The following MTAP variants were observed in gnomAD, a reference collection of about 807,000 sequenced individuals.
MTAP encodes the protein S-methyl-5'-thioadenosine phosphorylase.
Under a neutral mutation model 33.6 loss-of-function variants are expected in MTAP, and 33 were observed. The ratio of observed to expected loss-of-function variants is 0.98; its 90% CI spans 0.74 to 1.31. MTAP has a LOEUF of 1.31. Ranked by LOEUF, MTAP falls within the 40% of genes most tolerant of loss-of-function variation. MTAP has a pLI of 0.00. For synonymous variants in MTAP, 148 were observed against 125.7 expected (o/e 1.18, Z -1.19); for missense variants, 367 against 360.0 (o/e 1.02, Z -0.16).
intron 1 of MTAP, among the ~76,000 whole-genome samples, chr9:21,888,193 A>T (rs550612524): frequency 2.3e-4 from 35 of 152,300 alleles, no homozygotes; most frequent in Non-Finnish European, 4.3e-4. Context: ...AGTACTTGAT[A>T]TAATTTTGAT....
intron 1 of MTAP, among the ~76,000 whole-genome samples, chr9:21,804,837 T>C (rs996289353): frequency 6.6e-6 from 1 of 152,208 alleles, no homozygotes; most frequent in African/African-American, 2.4e-5. Flanking sequence ...TGGACCTAGA[T>C]AATGACAGAA....
At chr9:21,876,380 A>G (rs1826008631) in intron 1 of MTAP, among the ~76,000 whole-genome samples, 2 of 151,840 alleles carry the variant, frequency 1.3e-5, no homozygotes, top group African/African-American at 4.8e-5. Context: ...TAATTAGATC[A>G]CCCTTGTCAA....
intron 1 of MTAP, among the ~76,000 whole-genome samples, chr9:21,903,346 C>G (rs1199412343): frequency 6.6e-6 from 1 of 152,124 alleles, no homozygotes; most frequent in African/African-American, 2.4e-5. Flanking sequence ...AGGCCCAACT[C>G]AGAAACATCC....
At chr9:21,843,684 T>C (rs956033734) in intron 5 of MTAP, among the ~76,000 whole-genome samples, 2 of 152,204 alleles carry the variant, frequency 1.3e-5, no homozygotes, top group Admixed American at 1.3e-4. Flanking sequence ...GAAATTAAAA[T>C]ATTCTTTGAG....
intron 1 of MTAP, among the ~76,000 whole-genome samples, chr9:21,813,423 T>C (rs1824400838): frequency 6.6e-6 from 1 of 152,032 alleles, no homozygotes; most frequent in African/African-American, 2.4e-5. Context: ...TGGTGCAGAG[T>C]CATTATGCAG....
chr9:21,935,671 G>A (rs903342009), downstream of MTAP: 2 of 151,338 alleles, frequency 1.3e-5, no homozygotes, highest in African/African-American at 4.9e-5. Flanking sequence ...TTTTGGTTGA[G>A]TTTTTTTTTC....
At chr9:21,920,428 G>A (rs1352794542) in intron 1 of MTAP, among the ~76,000 whole-genome samples, 3 of 152,150 alleles carry the variant, frequency 2.0e-5, no homozygotes, top group Non-Finnish European at 4.4e-5. Context: ...TGCAGGCACA[G>A]TTGTGAGCAT....
Position 21,864,292 on chromosome 9 carries a change from T to C in MTAP, c.*2278T>C. On this transcript the variant is annotated 3_prime_UTR_variant, in exon 8 of 8. Coordinates refer to ENST00000644715, the MANE Select transcript of MTAP (RefSeq NM_002451.4). ...ATATAATTTTCCTCATACCTTATGC[T>C]TGAGGATATTGTTGAAGAACACTTC... 1 of 985,376 alleles carries C rather than the reference T, an allele frequency of 1.0e-6. No homozygotes were observed. The highest frequency in any genetic ancestry group is 1.2e-6 in the Non-Finnish European group (1 of 829,862). The allele number at this position is 985,376 out of a possible 1,614,324, so 61.0% of individuals were successfully genotyped here.
At position 21,862,199 on chromosome 9, in the gene MTAP, C is replaced by G. The variant is rs1403702900; in HGVS notation, c.*185C>G. The G allele has an allele frequency of 6.8e-6, 9 of 1,320,974 alleles. No individual in the cohort carries two copies. In the East Asian group the frequency reaches 2.0e-4, roughly 30 times the overall value. 81.8% of individuals were successfully genotyped at this position (1,320,974 alleles called of 1,614,324 possible). On this transcript the variant is annotated 3_prime_UTR_variant, in exon 8 of 8. Coordinates refer to ENST00000644715, the MANE Select transcript of MTAP (RefSeq NM_002451.4). ...GACTCCTGAATGATTTAGACAACTT[C>G]AAAATACAGAAGAAAAGCAAATGAC...
At chr9:21,823,106 T>C (rs1032255218) in intron 4 of MTAP, among the ~76,000 whole-genome samples, 14 of 152,230 alleles carry the variant, frequency 9.2e-5, no homozygotes, top group African/African-American at 3.1e-4. Context: ...TGTCTTTTAA[T>C]TGGAGCATTT....
Position 21,864,374 on chromosome 9 carries a change from G to A in MTAP, c.*2360G>A. The stretch of plus-strand genomic sequence containing the variant: ...AATTTTTTTTTTTTAATTTAAGCTA[G>A]TATACTAAGTGAACACCATGGTCAG... On this transcript the variant is annotated 3_prime_UTR_variant, in exon 8 of 8. Coordinates refer to ENST00000644715, the MANE Select transcript of MTAP (RefSeq NM_002451.4). The A allele has an allele frequency of 2.0e-6, 2 of 984,704 alleles. No individual in the cohort carries two copies. The allele number at this position is 984,704 out of a possible 1,614,324, so 61.0% of individuals were successfully genotyped here.
intron 7 of MTAP, chr9:21,860,572 A>G (rs1366556970): frequency 6.6e-6 from 1 of 152,212 alleles, no homozygotes; most frequent in Non-Finnish European, 1.5e-5. Context: ...TTTTATCATA[A>G]TATATAGAGA....
At chr9:21,873,917 G>A (rs115832486) in intron 1 of MTAP, among the ~76,000 whole-genome samples, 2,547 of 151,842 alleles carry the variant, frequency 0.017, 69 homozygotes, top group African/African-American at 0.056. Context: ...CACTTTTTTC[G>A]GAATAAAAAA....
Position 21,923,987 on chromosome 9 carries a change from A to G in MTAP, c.148-7021A>G, listed in dbSNP as rs563792126. Among the ~76,000 whole-genome samples the G allele has an allele frequency of 3.3e-5, 5 of 152,350 alleles. No homozygotes were observed. The East Asian group carries it at 9.6e-4, about 29-fold the overall frequency. The stretch of plus-strand genomic sequence containing the variant: ...CACAGGCACAGAACAGATTACCATT[A>G]GAACAGAGATGAAGGCAAGCTTAGG... On this transcript the variant is annotated intron_variant, in intron 1 of 1. Coordinates refer to the MTAP transcript ENST00000577563.
chr9:21,928,377 C>T (rs149891961), intron 1 of MTAP, among the ~76,000 whole-genome samples: 35 of 152,296 alleles, frequency 2.3e-4, no homozygotes, highest in Non-Finnish European at 4.7e-4. Flanking sequence ...CATAATAAGT[C>T]AAATCCAAAG....
Position 21,802,668 on chromosome 9 carries a change from G to T in MTAP, c.-81G>T. ...CTGCTCACTCCCGCGCAGTGAGGTTGGCACAGCCACCGCTCTGTGGCTCGC... is the reference window on the plus strand; with the variant it reads ...CTGCTCACTCCCGCGCAGTGAGGTTTGCACAGCCACCGCTCTGTGGCTCGC... On this transcript the variant is annotated 5_prime_UTR_variant, in exon 1 of 8. Transcript: ENST00000644715. 1.3e-6 allele frequency: 2 copies of T among 1,539,824 alleles called. No individual in the cohort carries two copies. Among genetic ancestry groups the T allele is most frequent in the Non-Finnish European group, 1.8e-6 (2 of 1,119,832 alleles).
At chr9:21,895,945 C>G (rs759964429) in intron 1 of MTAP, among the ~76,000 whole-genome samples, 22 of 152,298 alleles carry the variant, frequency 1.4e-4, no homozygotes, top group Non-Finnish European at 2.9e-4. Flanking sequence ...CACCCCAAAT[C>G]AACAGAATAT....
At chr9:21,868,795 C>G (rs550413194), downstream of MTAP, among the ~76,000 whole-genome samples, 41 of 152,278 alleles carry the variant, frequency 2.7e-4, no homozygotes, top group African/African-American at 9.6e-4. Flanking sequence ...CTGTTACCAT[C>G]TGTGATAGTG....
At chr9:21,833,577 G>A (rs1825026110) in intron 4 of MTAP, among the ~76,000 whole-genome samples, 1 of 152,066 alleles carries the variant, frequency 6.6e-6, no homozygotes, top group Admixed American at 6.5e-5. Context: ...TTTGATTCTT[G>A]GGATATATTT....
Sources: gnomAD v4.1 joint callset for allele counts (sites outside exome capture counted in the v4.1 genomes callset) on GRCh38, gnomAD v4.1.1 for gene constraint, MANE v1.5 for transcripts, NCBI Gene and HGNC (gene_info 2026-07-23, HGNC 2026-07-21) for gene names.